The following CAMKV variants were observed in gnomAD, a reference collection of about 807,000 sequenced individuals.
CAMKV encodes the protein CaM kinase like vesicle associated, also known as caM kinase-like vesicle-associated protein.
Under a neutral mutation model 50.2 loss-of-function variants are expected in CAMKV, and 5 were observed. That is an observed-to-expected ratio of 0.10 (90% confidence interval 0.05 to 0.21). The LOEUF (loss-of-function observed/expected upper bound fraction) is 0.21. Among genes scored for constraint, CAMKV ranks in the 10% least tolerant of loss-of-function variants. CAMKV has a pLI of 1.00. For missense variants in CAMKV, 361 were observed against 650.5 expected (o/e 0.55, Z 4.84); for synonymous variants, 229 against 250.1 (o/e 0.92, Z 0.80).
Position 49,861,726 on chromosome 3 carries a change from C to T in CAMKV, c.302+65G>A. 1 of 1,598,844 alleles carries T rather than the reference C, an allele frequency of 6.3e-7. No homozygotes were observed. Among genetic ancestry groups the T allele is most frequent in the South Asian group, 1.1e-5 (1 of 90,574 alleles). ...TCCAGAAAGGGGGTTTCCTTAGCTGCAGAGGGTGGGACAGGTGAAAGCCCT... is the reference window on the plus strand; with the variant it reads ...TCCAGAAAGGGGGTTTCCTTAGCTGTAGAGGGTGGGACAGGTGAAAGCCCT... On this transcript the variant is annotated intron_variant, in intron 4 of 10. Transcript: ENST00000477224. This position sits in a 1 kb window ranked among gnomAD's most constrained non-coding sequence, Gnocchi z 7.7.
In CAMKV at chr3:49,860,262, G is replaced by A. The variant is rs2082009812; in HGVS notation, c.855-4C>T. On this transcript the variant is annotated splice_polypyrimidine_tract_variant and splice_region_variant and intron_variant, in intron 9 of 10. Transcript: ENST00000477224. The surrounding 1 kb of genome is among the most constrained non-coding windows in gnomAD (Gnocchi z 6.1). Reference sequence around the variant, plus strand: ...AGAAGCAGCATTGCCAGAAATCCTGGAAAGGGTGCAAGTGTGTCTGGATCT... The same window carrying A: ...AGAAGCAGCATTGCCAGAAATCCTGAAAAGGGTGCAAGTGTGTCTGGATCT... The A allele has an allele frequency of 6.2e-7, 1 of 1,613,698 alleles. No homozygotes were observed. Among genetic ancestry groups the A allele is most frequent in the South Asian group, 1.1e-5 (1 of 91,076 alleles).
At chr3:49,867,130 C>T (rs897074406) in intron 1 of CAMKV, among the ~76,000 whole-genome samples, 1 of 152,232 alleles carries the variant, frequency 6.6e-6, no homozygotes, top group Non-Finnish European at 1.5e-5. Flanking sequence ...TTTCCTGCTG[C>T]AATGAACATG....
In CAMKV at chr3:49,861,032, G is replaced by A. The variant is rs1360655980; in HGVS notation, c.563-14C>T. 5.0e-5 allele frequency: 81 copies of A among 1,613,752 alleles called. No individual in the cohort carries two copies. Among genetic ancestry groups the A allele is most frequent in the Non-Finnish European group, 6.5e-5 (77 of 1,179,986 alleles). On this transcript the variant is annotated splice_polypyrimidine_tract_variant and intron_variant, in intron 6 of 10. Coordinates refer to ENST00000477224, the MANE Select transcript of CAMKV (RefSeq NM_024046.5). This position sits in a 1 kb window ranked among gnomAD's most constrained non-coding sequence, Gnocchi z 7.7. ...CCACCTCTGGGGCTACAAACACAGC[G>A]CCCATCTGCTGGTCAGTATCAGGCC...
At chr3:49,865,139 A>G (rs568906572) in intron 1 of CAMKV, among the ~76,000 whole-genome samples, 2 of 152,378 alleles carry the variant, frequency 1.3e-5, no homozygotes, top group South Asian at 2.1e-4. Flanking sequence ...GAGACAAAGG[A>G]GAGGCTTTGA....
Position 49,861,387 on chromosome 3 carries a change from C to T in CAMKV, c.441+52G>A. The stretch of plus-strand genomic sequence containing the variant: ...CCAAGGCCCTGAGGTGCTGCCCACC[C>T]CAGCACCAGCCCAGCTGCCAACTGG... On this transcript the variant is annotated intron_variant, in intron 5 of 10. Coordinates refer to ENST00000477224, the MANE Select transcript of CAMKV (RefSeq NM_024046.5). The surrounding 1 kb of genome is among the most constrained non-coding windows in gnomAD (Gnocchi z 7.7). 1 of 1,613,128 alleles carries T rather than the reference C, an allele frequency of 6.2e-7. No individual in the cohort carries two copies. Among genetic ancestry groups the T allele is most frequent in the Non-Finnish European group, 8.5e-7 (1 of 1,179,352 alleles).
chr3:49,861,234 C>T lies in CAMKV; in HGVS notation c.508G>A (p.Ala170Thr). 1 of 1,614,066 alleles carries T rather than the reference C, an allele frequency of 6.2e-7. No individual in the cohort carries two copies. Among genetic ancestry groups the T allele is most frequent in the Non-Finnish European group, 8.5e-7 (1 of 1,180,024 alleles). ...TTGATGAGGCCATTTTCTAGCTTAG[C>T]CAGATGGAAGTCACTGATGACAATC... ...SKIVISDFHL[A>T]KLENGLIKEP... The change falls in exon 6 of 11, where the codon GCT becomes ACT. Residue 170 changes from alanine (A) to threonine (T), a missense_variant. Ala to Thr is a moderately conservative substitution (Grantham distance 58). Coordinates refer to ENST00000477224, the MANE Select transcript of CAMKV (RefSeq NM_024046.5). The surrounding 1 kb of genome is among the most constrained non-coding windows in gnomAD (Gnocchi z 7.7).
chr3:49,859,571 A>G lies in CAMKV; in HGVS notation c.1253T>C (p.Val418Ala). The change falls in exon 11 of 11, where the codon GTC (valine) becomes GCC (alanine). Residue 418 changes from valine (V) to alanine (A), a missense_variant. By Grantham distance (64) the Val-to-Ala change is moderately conservative. Transcript: ENST00000477224. The surrounding 1 kb of genome is among the most constrained non-coding windows in gnomAD (Gnocchi z 5.5). ...AGCGCTCCTGTCAGTGGCTGGGGTG[A>G]CACTCCCATCAGTGGCTGGAGTGAT... ...GSITPATDGSVTPATDRSATP... is the reference protein window; with the variant it reads ...GSITPATDGSATPATDRSATP... 1.2e-6 allele frequency: 2 copies of G among 1,613,740 alleles called. No individual in the cohort carries two copies. The highest frequency in any genetic ancestry group is 2.2e-5 in the South Asian group (2 of 91,070).
chr3:49,860,975 G>A lies in CAMKV; in HGVS notation c.606C>T (p.Asp202=). The A allele has an allele frequency of 6.2e-7, 1 of 1,614,144 alleles. No individual in the cohort carries two copies. The change falls in exon 7 of 11, where the codon GAC becomes GAT. Residue 202 remains aspartate (D), a synonymous_variant. Transcript: ENST00000477224. This position sits in a 1 kb window ranked among gnomAD's most constrained non-coding sequence, Gnocchi z 6.1. The part of the protein sequence containing the change: ...VGRQRYGRPV[D]CWAIGVIMYI... ...ACATGATGACTCCAATGGCCCAGCA[G>A]TCCACAGGGCGTCCATACCGCTGCC...
Position 49,861,980 on chromosome 3 carries a change from C to T in CAMKV, c.227+65G>A. On this transcript the variant is annotated intron_variant, in intron 3 of 10. Coordinates refer to ENST00000477224, the MANE Select transcript of CAMKV (RefSeq NM_024046.5). The surrounding 1 kb of genome is among the most constrained non-coding windows in gnomAD (Gnocchi z 7.7). ...GCCAGAGGCTGGGACTGCCTGAGGCCACTTGCCCTCTAAGCCCTTCCCTGC... is the reference window on the plus strand; with the variant it reads ...GCCAGAGGCTGGGACTGCCTGAGGCTACTTGCCCTCTAAGCCCTTCCCTGC... 1 of 1,610,900 alleles carries T rather than the reference C, an allele frequency of 6.2e-7. No homozygotes were observed. The highest frequency in any genetic ancestry group is 8.5e-7 in the Non-Finnish European group (1 of 1,178,362).
Position 49,861,308 on chromosome 3 carries a change from G to A in CAMKV, c.442-8C>T. The stretch of plus-strand genomic sequence containing the variant: ...GTAAACCAGGTTCTCCAGCTGTGGT[G>A]TGAGAATAGCATGTGGGTGAGCAGA... On this transcript the variant is annotated splice_polypyrimidine_tract_variant and splice_region_variant and intron_variant, in intron 5 of 10. Coordinates refer to ENST00000477224, the MANE Select transcript of CAMKV (RefSeq NM_024046.5). This position sits in a 1 kb window ranked among gnomAD's most constrained non-coding sequence, Gnocchi z 7.7. 1.2e-6 allele frequency: 2 copies of A among 1,614,154 alleles called. No individual in the cohort carries two copies. Among genetic ancestry groups the A allele is most frequent in the Non-Finnish European group, 1.7e-6 (2 of 1,180,048 alleles).
At chr3:49,864,525 C>T (rs993079881) in intron 1 of CAMKV, among the ~76,000 whole-genome samples, 2 of 152,092 alleles carry the variant, frequency 1.3e-5, no homozygotes, top group Non-Finnish European at 2.9e-5. Flanking sequence ...GGGGGGCTGA[C>T]TCCAGTGTCC....
Position 49,868,358 on chromosome 3 carries a change from A to G in CAMKV, c.-15+1400T>C, listed in dbSNP as rs112036625. Among the ~76,000 whole-genome samples, 135 of 152,122 alleles carry G rather than the reference A, an allele frequency of 8.9e-4. 2 individuals carry two copies. Among genetic ancestry groups the G allele is most frequent in the African/African-American group, 3.0e-3 (126 of 41,496 alleles). ...TAATCCCCTCTCACCAACCCCCAAC[A>G]GCAGATCCTGCCATGAGTGCCAGAA... On this transcript the variant is annotated intron_variant, in intron 1 of 10. Transcript: ENST00000477224.
In CAMKV at chr3:49,860,985, C is replaced by T. The variant is rs769296484; in HGVS notation, c.596G>A (p.Arg199His). ...PEVVGRQRYG[R>H]PVDCWAIGVI... ...TCCAATGGCCCAGCAGTCCACAGGG[C>T]GTCCATACCGCTGCCGGCCTACCAC... The change falls in exon 7 of 11, where the codon CGC becomes CAC. Residue 199 changes from arginine to histidine, a missense_variant. Coordinates refer to ENST00000477224, the MANE Select transcript of CAMKV (RefSeq NM_024046.5). This position sits in a 1 kb window ranked among gnomAD's most constrained non-coding sequence, Gnocchi z 6.1. 3.1e-6 allele frequency: 5 copies of T among 1,613,990 alleles called. No individual in the cohort carries two copies. Among genetic ancestry groups the T allele is most frequent in the East Asian group, 2.2e-5 (1 of 44,892 alleles).
chr3:49,867,178 T>A (rs1465051390), intron 1 of CAMKV, among the ~76,000 whole-genome samples: 4 of 152,236 alleles, frequency 2.6e-5, no homozygotes, highest in African/African-American at 9.6e-5. Context: ...AGCTGAGGTG[T>A]CACCCACAGG....
chr3:49,865,538 A>G (rs1293702734), intron 1 of CAMKV, among the ~76,000 whole-genome samples: 2 of 152,118 alleles, frequency 1.3e-5, no homozygotes, highest in Non-Finnish European at 2.9e-5. Context: ...GCAACTACCT[A>G]AATGTCCAAC....
chr3:49,862,873 C>T lies in CAMKV; in HGVS notation c.-14-471G>A, dbSNP rs2082033831. Among the ~76,000 whole-genome samples the T allele has an allele frequency of 6.6e-6, 1 of 152,184 alleles. No individual in the cohort carries two copies. The highest frequency in any genetic ancestry group is 1.5e-5 in the Non-Finnish European group (1 of 68,040). On this transcript the variant is annotated intron_variant, in intron 1 of 10. Transcript: ENST00000477224. This position sits in a 1 kb window ranked among gnomAD's most constrained non-coding sequence, Gnocchi z 5.2. ...AGCAGTTTGGTAAAACCACTAAAGTCAAACAAACATACCCTATGAACCAGC... is the reference window on the plus strand; with the variant it reads ...AGCAGTTTGGTAAAACCACTAAAGTTAAACAAACATACCCTATGAACCAGC...
rs1403621928 is a variant in CAMKV, at chr3:49,861,429, C to G, written c.441+10G>C. The G allele has an allele frequency of 1.2e-6, 2 of 1,613,982 alleles. No homozygotes were observed. Among genetic ancestry groups the G allele is most frequent in the Non-Finnish European group, 1.7e-6 (2 of 1,180,034 alleles). On this transcript the variant is annotated intron_variant, in intron 5 of 10. Coordinates refer to ENST00000477224, the MANE Select transcript of CAMKV (RefSeq NM_024046.5). The surrounding 1 kb of genome is among the most constrained non-coding windows in gnomAD (Gnocchi z 7.7). ...GCCAACTGGCCCTTTGACTCTGGCT[C>G]TGCCCTCACCTTGAGATTCCTGTGC... is the stretch of plus-strand genomic sequence containing the variant.
At position 49,862,528 on chromosome 3, in the gene CAMKV, C is replaced by A; in HGVS notation, c.-14-126G>T. 1 of 769,668 alleles carries A rather than the reference C, an allele frequency of 1.3e-6. No homozygotes were observed. Among genetic ancestry groups the A allele is most frequent in the South Asian group, 1.6e-5 (1 of 64,174 alleles). 47.7% of individuals were successfully genotyped at this position (769,668 alleles called of 1,614,324 possible). ...GGGGCAGAGACCATACCAGGAGGGG[C>A]TAGAGGATAGGCAGGCTTAGATCCT... On this transcript the variant is annotated intron_variant, in intron 1 of 10. Transcript: ENST00000477224. The surrounding 1 kb of genome is among the most constrained non-coding windows in gnomAD (Gnocchi z 5.2).
At chr3:49,866,752 T>C (rs533520331) in intron 1 of CAMKV, among the ~76,000 whole-genome samples, 3 of 152,312 alleles carry the variant, frequency 2.0e-5, no homozygotes, top group Non-Finnish European at 2.9e-5. Context: ...GCCCTGGTGA[T>C]AAATGGTCCC....
Sources: allele counts gnomAD v4.1 joint callset (sites outside exome capture counted in the v4.1 genomes callset), GRCh38; gene constraint gnomAD v4.1.1; non-coding constraint Gnocchi (gnomAD v3.1); transcripts MANE v1.5; gene names NCBI Gene and HGNC (gene_info 2026-07-23, HGNC 2026-07-21).